The following PRKN variants were observed in gnomAD, a reference collection of about 807,000 sequenced individuals.
PRKN encodes E3 ubiquitin-protein ligase parkin.
A neutral mutation model predicts 59.5 loss-of-function variants in PRKN; 56 were observed. The ratio of observed to expected loss-of-function variants is 0.94; its 90% CI spans 0.76 to 1.18. The LOEUF (loss-of-function observed/expected upper bound fraction) is 1.18. Ranked by LOEUF, PRKN falls within the 50% of genes most tolerant of loss-of-function variation. The probability of loss-of-function intolerance (pLI) is 0.00; values close to 1 mark genes in which losing one functional copy is unlikely to be tolerated. For missense variants in PRKN, 657 were observed against 596.4 expected (o/e 1.10, Z -1.06); for synonymous variants, 250 against 222.1 (o/e 1.13, Z -1.12).
intron 2 of PRKN, among the ~76,000 whole-genome samples, chr6:162,436,013 TA>T (rs2128164803): frequency 6.6e-6 from 1 of 151,678 alleles, no homozygotes; most frequent in South Asian, 2.1e-4. Context: ...CAATCTCTAC[TA>T]AAAATACAAA....
intron 7 of PRKN, among the ~76,000 whole-genome samples, chr6:161,650,618 A>G (rs1183946997): frequency 6.6e-6 from 1 of 152,172 alleles, no homozygotes; most frequent in African/African-American, 2.4e-5. Flanking sequence ...AAACATCCAC[A>G]TCACTTTACT....
At chr6:161,845,653 C>T (rs928093900) in intron 6 of PRKN, among the ~76,000 whole-genome samples, 2 of 152,072 alleles carry the variant, frequency 1.3e-5, no homozygotes, top group African/African-American at 2.4e-5. Context: ...GCTTAGTTTC[C>T]GTAAAGACAT....
In PRKN at chr6:161,353,338, G is replaced by A. The variant is rs938879503; in HGVS notation, c.1286-3127C>T. Among the ~76,000 whole-genome samples, 2 of 152,148 alleles carry A rather than the reference G, an allele frequency of 1.3e-5. No homozygotes were observed. Among genetic ancestry groups the A allele is most frequent in the Non-Finnish European group, 1.5e-5 (1 of 68,030 alleles). ...CCCCTGGAGGAAGGAATGCTGCACA[G>A]GGAGGCCAAGAAGAATCTAGACCGG... is the stretch of plus-strand genomic sequence containing the variant. On this transcript the variant is annotated intron_variant, in intron 11 of 11. Transcript: ENST00000366898. This position sits in a 1 kb window ranked among gnomAD's most constrained non-coding sequence, Gnocchi z 4.8.
At position 161,363,832 on chromosome 6, in the gene PRKN, A is replaced by C. The variant is rs187787468; in HGVS notation, c.1168-3627T>G. 5.3e-4 allele frequency among the ~76,000 whole-genome samples: 80 copies of C among 152,286 alleles called. 1 individual carries two copies. Among genetic ancestry groups the C allele is most frequent in the African/African-American group, 1.8e-3 (73 of 41,566 alleles). Reference sequence around the variant, plus strand: ...ATAAATAAAAACACAGTAATAAAAAACAGCATTTCCCATCAACAGAAGTTC... The same window carrying C: ...ATAAATAAAAACACAGTAATAAAAACCAGCATTTCCCATCAACAGAAGTTC... On this transcript the variant is annotated intron_variant, in intron 10 of 11. Coordinates refer to ENST00000366898, the MANE Select transcript of PRKN (RefSeq NM_004562.3). The surrounding 1 kb of genome is among the most constrained non-coding windows in gnomAD (Gnocchi z 4.1).
intron 5 of PRKN, among the ~76,000 whole-genome samples, chr6:162,026,408 G>C (rs1400291474): frequency 6.6e-6 from 1 of 152,174 alleles, no homozygotes; most frequent in Non-Finnish European, 1.5e-5. Flanking sequence ...CCAGAATGTA[G>C]GTCCTGTAAC....
At chr6:161,959,962 A>T (rs1780321044) in intron 6 of PRKN, among the ~76,000 whole-genome samples, 1 of 152,206 alleles carries the variant, frequency 6.6e-6, no homozygotes, top group South Asian at 2.1e-4. Flanking sequence ...TCCTGGAGTC[A>T]TCTGCTTTCT....
At chr6:162,163,274 C>T (rs1434996925) in intron 4 of PRKN, among the ~76,000 whole-genome samples, 1 of 149,132 alleles carries the variant, frequency 6.7e-6, no homozygotes, top group African/African-American at 2.5e-5. Context: ...TATTAAACGG[C>T]ATCTATGGAA....
intron 7 of PRKN, among the ~76,000 whole-genome samples, chr6:161,666,305 T>C (rs1784723801): frequency 6.6e-6 from 1 of 152,166 alleles, no homozygotes; most frequent in Non-Finnish European, 1.5e-5. Flanking sequence ...AGTGGTGGCA[T>C]TACCTTCTCA....
intron 7 of PRKN, among the ~76,000 whole-genome samples, chr6:161,646,236 C>T (rs1276222766): frequency 1.4e-4 from 8 of 55,324 alleles, no homozygotes; most frequent in Admixed American, 1.1e-3. Context: ...ACTGCGTGTG[C>T]GTGCGTGGCG....
intron 1 of PRKN, among the ~76,000 whole-genome samples, chr6:162,530,654 G>A (rs986982162): frequency 1.0e-4 from 15 of 144,270 alleles, no homozygotes; most frequent in African/African-American, 3.7e-4. Flanking sequence ...AGCGTCTTAT[G>A]AAGTCCAAGT....
chr6:162,525,374 T>C (rs1327475804), intron 1 of PRKN, among the ~76,000 whole-genome samples: 1 of 152,180 alleles, frequency 6.6e-6, no homozygotes, highest in African/African-American at 2.4e-5. Context: ...CAACCTCCCC[T>C]GAGCCTGAAG....
chr6:161,718,643 C>A (rs1787091622), intron 7 of PRKN, among the ~76,000 whole-genome samples: 1 of 152,070 alleles, frequency 6.6e-6, no homozygotes, highest in Non-Finnish European at 1.5e-5. Context: ...TCGGGACTAT[C>A]CCTAGCAGGC....
chr6:162,376,629 G>A (rs751550778), intron 2 of PRKN, among the ~76,000 whole-genome samples: 1 of 151,006 alleles, frequency 6.6e-6, no homozygotes, highest in South Asian at 2.1e-4. Flanking sequence ...TTCTCTCCCA[G>A]ACAGCTTGAA....
At position 162,603,140 on chromosome 6, in the gene PRKN, CT is replaced by C. The variant is rs529931954; in HGVS notation, c.7+124521del. On this transcript the variant is annotated intron_variant, in intron 1 of 11. Transcript: ENST00000366898. ...TGTGTATAACTCAGGGAAGAGTTCCCTATCTGAGTATATTACTGTTGAGTGA... is the reference window on the plus strand; with the variant it reads ...TGTGTATAACTCAGGGAAGAGTTCCCATCTGAGTATATTACTGTTGAGTGA... 3.9e-5 allele frequency among the ~76,000 whole-genome samples: 6 copies of C among 152,210 alleles called. No homozygotes were observed. In the South Asian group the frequency reaches 8.3e-4, roughly 21 times the overall value.
At chr6:162,248,841 C>G (rs1310498211) in intron 3 of PRKN, among the ~76,000 whole-genome samples, 1 of 151,702 alleles carries the variant, frequency 6.6e-6, no homozygotes, top group African/African-American at 2.4e-5. Flanking sequence ...TCTTCTTCAT[C>G]AGTATCACTT....
intron 5 of PRKN, among the ~76,000 whole-genome samples, chr6:162,036,694 T>C (rs1010996801): frequency 1.3e-5 from 2 of 152,084 alleles, no homozygotes; most frequent in Non-Finnish European, 2.9e-5. Context: ...TGAAATAATT[T>C]TGAAACGCCT....
intron 1 of PRKN, among the ~76,000 whole-genome samples, chr6:162,534,200 G>A (rs981012892): frequency 6.6e-6 from 1 of 151,978 alleles, no homozygotes; most frequent in Non-Finnish European, 1.5e-5. Context: ...GCCATCTTAC[G>A]CTAGCAGGTT....
intron 2 of PRKN, among the ~76,000 whole-genome samples, chr6:162,314,242 A>G (rs12208921): frequency 0.36 from 55,441 of 152,064 alleles, 11,875 homozygotes; most frequent in Non-Finnish European, 0.48. Context: ...ACAAGGTCAC[A>G]TAGCTAGTAA....
chr6:162,102,526 A>G (rs1263446795), intron 4 of PRKN, among the ~76,000 whole-genome samples: 1 of 152,240 alleles, frequency 6.6e-6, no homozygotes, highest in African/African-American at 2.4e-5. Flanking sequence ...AAACTGATAC[A>G]TAAATATTTT....
Sources: allele counts gnomAD v4.1 joint callset (sites outside exome capture counted in the v4.1 genomes callset), GRCh38; gene constraint gnomAD v4.1.1; non-coding constraint Gnocchi (gnomAD v3.1); transcripts MANE v1.5; gene names NCBI Gene and HGNC (gene_info 2026-07-23, HGNC 2026-07-21).